The following AKT3 variants were observed in gnomAD, a reference collection of about 807,000 sequenced individuals.
AKT3 encodes the protein RAC-gamma serine/threonine-protein kinase.
A neutral mutation model predicts 65.3 loss-of-function variants in AKT3; 15 were observed. The observed-to-expected ratio is 0.23, with a 90% CI of 0.15 to 0.35. The LOEUF is 0.35. Among genes scored for constraint, AKT3 ranks in the 10% least tolerant of loss-of-function variants. The probability of loss-of-function intolerance (pLI) is 1.00; values close to 1 mark genes in which losing one functional copy is unlikely to be tolerated. For missense variants in AKT3, 243 were observed against 576.5 expected, an observed-to-expected ratio of 0.42 and a Z score of 5.92; for synonymous variants, 206 against 183.8, an observed-to-expected ratio of 1.12 and a Z score of -0.98.
chr1:243,507,573 C>G (rs569215209), intron 13 of AKT3, among the ~76,000 whole-genome samples: 1 of 152,156 alleles, frequency 6.6e-6, no homozygotes, highest in Admixed American at 6.5e-5. Context: ...GACTCTGAGT[C>G]GGAGCCTGTC....
chr1:243,673,848 C>T (rs1843655), intron 3 of AKT3, among the ~76,000 whole-genome samples: 29,426 of 151,986 alleles, frequency 0.19, 3,163 homozygotes, highest in East Asian at 0.31. Flanking sequence ...CTCTTGACCT[C>T]GTGATCCACC....
chr1:243,743,119 C>T (rs1037614942), intron 2 of AKT3, among the ~76,000 whole-genome samples: 1 of 152,122 alleles, frequency 6.6e-6, no homozygotes, highest in African/African-American at 2.4e-5. Flanking sequence ...AATGTAGGAG[C>T]ACATAGAAAA....
chr1:243,828,642 T>C (rs1694318825), intron 2 of AKT3, among the ~76,000 whole-genome samples: 1 of 152,186 alleles, frequency 6.6e-6, no homozygotes, highest in Non-Finnish European at 1.5e-5. Flanking sequence ...CTTAATAACA[T>C]TTTTTCTCTT....
At chr1:243,638,125 T>C (rs542383246) in intron 5 of AKT3, among the ~76,000 whole-genome samples, 33 of 152,230 alleles carry the variant, frequency 2.2e-4, no homozygotes, top group African/African-American at 7.2e-4. Context: ...CATTTCCAAA[T>C]ATGCCTAAAA....
chr1:243,771,466 A>C (rs996777099), intron 2 of AKT3, among the ~76,000 whole-genome samples: 2 of 152,178 alleles, frequency 1.3e-5, no homozygotes, highest in East Asian at 3.8e-4. Context: ...CATCTATTCT[A>C]AAGTGTTGAT....
intron 8 of AKT3, among the ~76,000 whole-genome samples, chr1:243,599,081 G>A (rs1572006175): frequency 6.6e-6 from 1 of 152,142 alleles, no homozygotes; most frequent in East Asian, 1.9e-4. Context: ...CTTTAAATAT[G>A]TACAAATTAT....
chr1:243,794,447 T>C (rs1691826077), intron 2 of AKT3: 2 of 152,370 alleles, frequency 1.3e-5, no homozygotes, highest in East Asian at 3.9e-4. Flanking sequence ...CTAGGATAAC[T>C]GCCATTTATA....
At chr1:243,698,782 G>C (rs1292099731) in intron 2 of AKT3, among the ~76,000 whole-genome samples, 1 of 152,042 alleles carries the variant, frequency 6.6e-6, no homozygotes, top group East Asian at 1.9e-4. Flanking sequence ...TACTAAGCCA[G>C]AAGTAGATCT....
chr1:243,779,366 T>G (rs926824714), intron 2 of AKT3, among the ~76,000 whole-genome samples: 2 of 144,752 alleles, frequency 1.4e-5, no homozygotes, highest in African/African-American at 5.1e-5. Flanking sequence ...ACCTGAGCAG[T>G]GACAATGCCT....
chr1:243,555,944 CACAG>C (rs1558612370), intron 10 of AKT3, among the ~76,000 whole-genome samples: 1 of 152,076 alleles, frequency 6.6e-6, no homozygotes, highest in Non-Finnish European at 1.5e-5. Context: ...CCTTTGTAAC[CACAG>C]ATGTAGTTGT....
intron 8 of AKT3, among the ~76,000 whole-genome samples, chr1:243,573,508 C>T (rs1047379843): frequency 1.3e-5 from 2 of 152,108 alleles, no homozygotes; most frequent in Non-Finnish European, 2.9e-5. Context: ...TTATATTCTA[C>T]AATTTTTGAT....
At chr1:243,520,300 C>T (rs376465840) in intron 12 of AKT3, among the ~76,000 whole-genome samples, 71 of 152,286 alleles carry the variant, frequency 4.7e-4, no homozygotes, top group African/African-American at 1.7e-3. Context: ...CATCTGCAAG[C>T]CACGGACAGA....
chr1:243,498,201 T>G (rs1668512973), downstream of AKT3, among the ~76,000 whole-genome samples: 1 of 151,990 alleles, frequency 6.6e-6, no homozygotes, highest in South Asian at 2.1e-4. Context: ...GGAGGGCACG[T>G]CAGCTTGGTG....
chr1:243,548,918 T>C (rs1672858307), intron 11 of AKT3, among the ~76,000 whole-genome samples: 1 of 152,216 alleles, frequency 6.6e-6, no homozygotes, highest in African/African-American at 2.4e-5. Context: ...AATAGCTGCG[T>C]AGAAAAAATG....
At chr1:243,534,091 C>G (rs1010533708) in intron 12 of AKT3, among the ~76,000 whole-genome samples, 1 of 152,000 alleles carries the variant, frequency 6.6e-6, no homozygotes, top group Non-Finnish European at 1.5e-5. Context: ...AAGACAGAGA[C>G]AGTCAGAGTA....
chr1:243,778,614 A>C (rs1690705517), intron 2 of AKT3, among the ~76,000 whole-genome samples: 1 of 152,200 alleles, frequency 6.6e-6, no homozygotes, highest in African/African-American at 2.4e-5. Context: ...TAGAGGTACA[A>C]AGTATAAGTG....
intron 12 of AKT3, among the ~76,000 whole-genome samples, chr1:243,514,532 G>A (rs3006939): frequency 0.34 from 52,122 of 151,962 alleles, 11,646 homozygotes; most frequent in African/African-American, 0.64. Flanking sequence ...ACGTATACAT[G>A]CACACATATG....
chr1:243,591,969 C>T (rs1322041470), intron 8 of AKT3, among the ~76,000 whole-genome samples: 2 of 152,100 alleles, frequency 1.3e-5, no homozygotes, highest in Admixed American at 1.3e-4. Flanking sequence ...TAACAAAATA[C>T]TTACAGAACA....
chr1:243,701,602 G>C (rs920987279), intron 2 of AKT3, among the ~76,000 whole-genome samples: 10 of 127,828 alleles, frequency 7.8e-5, no homozygotes, highest in African/African-American at 2.9e-4. Flanking sequence ...AGTTCATTTA[G>C]AATTTAATTA....
Sources: allele counts gnomAD v4.1 joint callset (sites outside exome capture counted in the v4.1 genomes callset), GRCh38; gene constraint gnomAD v4.1.1; transcripts MANE v1.5; gene names NCBI Gene and HGNC (gene_info 2026-07-23, HGNC 2026-07-21).